CFAP54: variants seen among roughly 807,000 people sequenced by gnomAD.
CFAP54 encodes the protein cilia and flagella associated protein 54, also known as cilia- and flagella-associated protein 54.
CFAP54 carries 290 observed loss-of-function variants against 370.4 expected under a neutral mutation model. The ratio of observed to expected loss-of-function variants is 0.78; its 90% CI spans 0.71 to 0.86. The LOEUF (loss-of-function observed/expected upper bound fraction) is 0.86. Among genes scored for constraint, CFAP54 ranks in the 40% least tolerant of loss-of-function variants. The pLI is 0.00. For missense variants in CFAP54, 3,399 were observed against 3,528.7 expected, an observed-to-expected ratio of 0.96 and a Z score of 0.93; for synonymous variants, 1,206 against 1,236.5, an observed-to-expected ratio of 0.98 and a Z score of 0.52.
At chr12:96,505,352 G>A (rs1392868598) in intron 3 of CFAP54, among the ~76,000 whole-genome samples, 1 of 151,882 alleles carries the variant, frequency 6.6e-6, no homozygotes, top group African/African-American at 2.4e-5. Flanking sequence ...GTGAGCCACC[G>A]TGCCTGGCCA....
chr12:96,727,658 A>T (rs1221388617), intron 50 of CFAP54, among the ~76,000 whole-genome samples: 2 of 151,852 alleles, frequency 1.3e-5, no homozygotes, highest in African/African-American at 4.8e-5. Flanking sequence ...TTTTAATTGG[A>T]GCACTTAGTC....
intron 26 of CFAP54, among the ~76,000 whole-genome samples, chr12:96,604,574 A>T (rs910184070): frequency 6.6e-6 from 1 of 152,250 alleles, no homozygotes; most frequent in African/African-American, 2.4e-5. Context: ...GGTGGAATCT[A>T]GAGAGGCAGT....
intron 66 of CFAP54, among the ~76,000 whole-genome samples, chr12:96,859,115 A>C: frequency 6.6e-6 from 1 of 152,176 alleles, no homozygotes; most frequent in East Asian, 1.9e-4. Context: ...ACCTATGACC[A>C]TCTGATTTTC....
intron 44 of CFAP54, among the ~76,000 whole-genome samples, chr12:96,692,081 C>T (rs1957394524): frequency 6.7e-6 from 1 of 150,140 alleles, no homozygotes; most frequent in African/African-American, 2.5e-5. Context: ...TACTTTTTTC[C>T]CCCACATATT....
chr12:96,654,081 C>T (rs1956892831), intron 36 of CFAP54, among the ~76,000 whole-genome samples: 1 of 152,176 alleles, frequency 6.6e-6, no homozygotes. Context: ...CCTAAATGTA[C>T]TAACAAACTT....
At chr12:96,764,053 C>T (rs1958368943) in intron 58 of CFAP54, 98 bp from the exon 59 acceptor site, 1 of 692,248 alleles carries the variant, frequency 1.4e-6, no homozygotes, top group South Asian at 2.0e-5. Flanking sequence ...CATTATTATC[C>T]TTAGTGACTA....
intron 4 of CFAP54, among the ~76,000 whole-genome samples, chr12:96,511,585 T>C (rs1955168695): frequency 6.6e-6 from 1 of 152,040 alleles, no homozygotes; most frequent in African/African-American, 2.4e-5. Context: ...CCCAAAGTGC[T>C]GGGATTACAG....
At chr12:96,637,469 C>T (rs1447086001) in intron 32 of CFAP54, among the ~76,000 whole-genome samples, 1 of 152,072 alleles carries the variant, frequency 6.6e-6, no homozygotes, top group Non-Finnish European at 1.5e-5. Context: ...GAATGCTTAC[C>T]TCATATAATC....
In CFAP54 at chr12:96,688,953, T is replaced by C; in HGVS notation, c.6052T>C (p.Cys2018Arg). 1 of 1,584,980 alleles carries C rather than the reference T, an allele frequency of 6.3e-7. No individual in the cohort carries two copies. Among genetic ancestry groups the C allele is most frequent in the Non-Finnish European group, 8.6e-7 (1 of 1,168,994 alleles). Residue 2018 changes from cysteine (C) to arginine (R), a missense_variant, in exon 43 of 68, where the codon TGT (cysteine) becomes CGT (arginine). Physicochemically the swap from Cys to Arg is radical, Grantham distance 180. This residue lies in a region of CFAP54 where 2,796 missense variants were observed against 2,869.7 expected (regional missense o/e 0.97). Transcript: ENST00000524981. ...ATTGAATGTTGAAAAGAAAACTGAC[T>C]GTTGCATTTTGTCTGCGTTACTCTT... ...KSLNVEKKTD[C>R]CILSALLFQG...
Position 96,811,766 on chromosome 12 carries a change from C to A in CFAP54, c.8881C>A (p.Pro2961Thr), listed in dbSNP as rs771107189. The part of the protein sequence containing the change: ...VLLLYAYNLK[P>T]LKISDVRHST... ...ATTGTTGTATGCATATAATTTGAAGCCTCTGAAGATTTCAGATGTTAGACA... is the reference window on the plus strand; with the variant it reads ...ATTGTTGTATGCATATAATTTGAAGACTCTGAAGATTTCAGATGTTAGACA... The change falls in exon 64 of 68, where the codon CCT (proline) becomes ACT (threonine). Residue 2961 changes from proline (P) to threonine (T), a missense_variant. By Grantham distance (38) the Pro-to-Thr change is conservative (BLOSUM62 -1). Around this residue, in one of 3 missense-constraint regions of CFAP54, gnomAD observed 2,796 missense variants for 2,869.7 expected, o/e 0.97. Transcript: ENST00000524981. The A allele has an allele frequency of 2.0e-6, 3 of 1,519,806 alleles. No homozygotes were observed. The highest frequency in any genetic ancestry group is 2.5e-5 in the East Asian group (1 of 40,286). The allele number at this position is 1,519,806 out of a possible 1,614,324, so 94.1% of individuals were successfully genotyped here.
At chr12:96,766,976 A>G (rs1417757912) in intron 60 of CFAP54, among the ~76,000 whole-genome samples, 2 of 152,190 alleles carry the variant, frequency 1.3e-5, no homozygotes, top group Non-Finnish European at 2.9e-5. Flanking sequence ...GTGAGGCCCA[A>G]GCTAAAGAGA....
At chr12:96,767,121 C>T (rs1958408698) in intron 60 of CFAP54, among the ~76,000 whole-genome samples, 1 of 152,168 alleles carries the variant, frequency 6.6e-6, no homozygotes, top group African/African-American at 2.4e-5. Flanking sequence ...AGGGCCAAGT[C>T]CAATATCAGT....
intron 61 of CFAP54, among the ~76,000 whole-genome samples, chr12:96,785,943 C>T (rs1958624824): frequency 6.6e-6 from 1 of 152,174 alleles, no homozygotes; most frequent in African/African-American, 2.4e-5. Flanking sequence ...GGACTGAGCC[C>T]TCACTGCCCA....
chr12:96,785,305 G>A (rs563863625), intron 61 of CFAP54, among the ~76,000 whole-genome samples: 4 of 151,878 alleles, frequency 2.6e-5, no homozygotes, highest in East Asian at 2.0e-4. Context: ...TATTAATTCC[G>A]TGGAGTTTTT....
intron 26 of CFAP54, among the ~76,000 whole-genome samples, chr12:96,612,838 G>A (rs1446068016): frequency 6.6e-6 from 1 of 152,172 alleles, no homozygotes; most frequent in Non-Finnish European, 1.5e-5. Context: ...AAATATATAT[G>A]CACCCAATAC....
At chr12:96,530,317 CTG>C (rs1955428457) in intron 9 of CFAP54, among the ~76,000 whole-genome samples, 1 of 152,190 alleles carries the variant, frequency 6.6e-6, no homozygotes. Flanking sequence ...TGGCGAAACT[CTG>C]TCTCTACTAA....
At chr12:96,853,471 AG>A (rs1437846248) in intron 66 of CFAP54, among the ~76,000 whole-genome samples, 2 of 152,152 alleles carry the variant, frequency 1.3e-5, no homozygotes. Context: ...TCATTTTGAA[AG>A]AAAGTGTATA....
At chr12:96,717,451 G>T (rs1180613793) in intron 48 of CFAP54, among the ~76,000 whole-genome samples, 1 of 152,282 alleles carries the variant, frequency 6.6e-6, no homozygotes, top group East Asian at 1.9e-4. Flanking sequence ...TGTTATTTCA[G>T]AATTTTTCTT....
chr12:96,521,898 G>A lies in CFAP54; in HGVS notation c.984G>A (p.Arg328=), dbSNP rs374137940. ...CTTTGGCTAAAATTGATGAGTTAAG[G>A]CAACTGGAATTAATGAGTTCCTCAA... ...RRALAKIDEL[R]QLELMSSSKS... The change falls in exon 7 of 68, where the codon AGG becomes AGA. Residue 328 remains arginine (R), a synonymous_variant. Coordinates refer to ENST00000524981, the MANE Select transcript of CFAP54 (RefSeq NM_001306084.2). 1 of 1,534,020 alleles carries A rather than the reference G, an allele frequency of 6.5e-7. No homozygotes were observed. The highest frequency in any genetic ancestry group is 8.7e-7 in the Non-Finnish European group (1 of 1,145,148).
Sources: allele counts gnomAD v4.1 joint callset (sites outside exome capture counted in the v4.1 genomes callset), GRCh38; gene constraint gnomAD v4.1.1; regional missense constraint gnomAD v4.1.1; transcripts MANE v1.5; gene names NCBI Gene and HGNC (gene_info 2026-07-23, HGNC 2026-07-21).